RBX1: variants seen among roughly 807,000 people sequenced by gnomAD.
RBX1 encodes ring-box 1.
For synonymous variants in RBX1, 48 were observed against 47.9 expected (o/e 1.00, Z -0.01); for missense variants, 46 against 141.4 (o/e 0.33, Z 3.42).
intron 2 of RBX1, among the ~76,000 whole-genome samples, chr22:40,958,551 A>G (rs1259766045): frequency 6.6e-6 from 1 of 152,130 alleles, no homozygotes; most frequent in Non-Finnish European, 1.5e-5. Flanking sequence ...TTAAGTCCAT[A>G]TTGATTCTGC....
At chr22:40,971,853 G>C (rs900831769) in intron 4 of RBX1, among the ~76,000 whole-genome samples, 1 of 151,962 alleles carries the variant, frequency 6.6e-6, no homozygotes, top group Non-Finnish European at 1.5e-5. Context: ...CACTGCACCC[G>C]GCCCCCGTTA....
chr22:40,954,034 G>A (rs1055124893), intron 2 of RBX1, among the ~76,000 whole-genome samples: 2 of 152,180 alleles, frequency 1.3e-5, no homozygotes, highest in African/African-American at 4.8e-5. Flanking sequence ...CACTTTGGGA[G>A]GCCAAGGCGG....
intron 2 of RBX1, among the ~76,000 whole-genome samples, chr22:40,963,773 G>C (rs1271098325): frequency 1.3e-5 from 2 of 152,134 alleles, no homozygotes; most frequent in Non-Finnish European, 2.9e-5. Flanking sequence ...CTAAGCCCAG[G>C]AAGTCAAGGC....
chr22:40,965,448 GT>G (rs917351753), intron 3 of RBX1, among the ~76,000 whole-genome samples: 6 of 134,350 alleles, frequency 4.5e-5, no homozygotes, highest in East Asian at 2.2e-4. Flanking sequence ...TTTGTTTTTT[GT>G]TTTTTTTTTG....
chr22:40,961,081 CTTTTTTT>C (rs61092253), intron 2 of RBX1, among the ~76,000 whole-genome samples: 7 of 107,666 alleles, frequency 6.5e-5, no homozygotes, highest in East Asian at 6.1e-4. Context: ...CGTGCCTGGC[CTTTTTTT>C]TTTTTTTTTT....
chr22:40,953,136 A>G (rs967257638), intron 1 of RBX1, among the ~76,000 whole-genome samples: 2 of 151,320 alleles, frequency 1.3e-5, no homozygotes, highest in Non-Finnish European at 3.0e-5. Context: ...TATTATAGAC[A>G]CCCGCCACCA....
At chr22:40,960,951 A>G (rs1162065063) in intron 2 of RBX1, among the ~76,000 whole-genome samples, 1 of 151,784 alleles carries the variant, frequency 6.6e-6, no homozygotes, top group East Asian at 1.9e-4. Flanking sequence ...TTTAGAAGAG[A>G]CAGAGTTTCG....
chr22:40,956,837 C>A lies in RBX1; in HGVS notation c.157+3204C>A, dbSNP rs144724217. 5.1e-3 allele frequency among the ~76,000 whole-genome samples: 772 copies of A among 151,228 alleles called. 3 individuals are homozygous for A. The highest frequency in any genetic ancestry group is 0.018 in the African/African-American group (723 of 41,240). On this transcript the variant is annotated intron_variant, in intron 2 of 4. Transcript: ENST00000216225. ...GATCACAAGGTCCAGAGATCGAGAC[C>A]ATCCTGGCTAACAAGGTGAAACCCC...
chr22:40,965,636 T>G (rs1270471311), intron 3 of RBX1, among the ~76,000 whole-genome samples: 1 of 152,128 alleles, frequency 6.6e-6, no homozygotes, highest in Non-Finnish European at 1.5e-5. Context: ...AGATGGGGTT[T>G]CGCCATGTTG....
At chr22:40,965,410 C>T (rs888317842) in intron 3 of RBX1, among the ~76,000 whole-genome samples, 1 of 150,234 alleles carries the variant, frequency 6.7e-6, no homozygotes, top group Non-Finnish European at 1.5e-5. Context: ...TTCCTACCTA[C>T]ACTGGTTTTT....
chr22:40,971,107 A>C (rs2146304888), intron 4 of RBX1, among the ~76,000 whole-genome samples: 1 of 152,292 alleles, frequency 6.6e-6, no homozygotes. Flanking sequence ...TCAAGGTTCC[A>C]TTTTAGACCA....
chr22:40,970,531 A>G (rs2058366404), intron 4 of RBX1, among the ~76,000 whole-genome samples: 1 of 152,094 alleles, frequency 6.6e-6, no homozygotes, highest in Non-Finnish European at 1.5e-5. Flanking sequence ...GATAGGTGAC[A>G]ATCAGTATTC....
intron 4 of RBX1, among the ~76,000 whole-genome samples, chr22:40,972,115 A>G (rs1402604490): frequency 6.6e-6 from 1 of 152,164 alleles, no homozygotes; most frequent in Non-Finnish European, 1.5e-5. Flanking sequence ...GAAAGTTCAA[A>G]CTGTCTGAGC....
chr22:40,958,046 G>A (rs181755926), intron 2 of RBX1, among the ~76,000 whole-genome samples: 75 of 152,008 alleles, frequency 4.9e-4, no homozygotes, highest in African/African-American at 1.6e-3. Context: ...GGCTGGTCTC[G>A]AGCTCCTGAC....
rs758380960 is a variant in RBX1 at position 40,951,955 on chromosome 22, TGGGGTCCTCTCACTTGGA to T, written c.78+501_78+518del. Among the ~76,000 whole-genome samples the T allele has an allele frequency of 2.2e-4, 34 of 152,134 alleles. No homozygotes were observed. In the East Asian group the frequency reaches 2.3e-3, roughly 10 times the overall value. ...TCTTGCTCCGCCCCTTTTTGAAGCT[TGGGGTCCTCTCACTTGGA>T]GGGGTCCTCTCACTTGGAGGGATCC... On this transcript the variant is annotated intron_variant, in intron 1 of 4. Coordinates refer to ENST00000216225, the MANE Select transcript of RBX1 (RefSeq NM_014248.4).
chr22:40,971,284 C>G (rs2058368414), intron 4 of RBX1, among the ~76,000 whole-genome samples: 1 of 152,170 alleles, frequency 6.6e-6, no homozygotes, highest in East Asian at 1.9e-4. Context: ...TTTCTTTAAT[C>G]TGATACGATT....
chr22:40,961,602 A>G (rs2058340564), intron 2 of RBX1, among the ~76,000 whole-genome samples: 1 of 149,010 alleles, frequency 6.7e-6, no homozygotes, highest in African/African-American at 2.5e-5. Context: ...TTTTAGTAGA[A>G]ACCATGTTAG....
intron 1 of RBX1, 111 bp downstream of exon 1, chr22:40,951,587 TG>T: frequency 9.9e-7 from 1 of 1,007,698 alleles, no homozygotes. Flanking sequence ...AGGGCGTTCC[TG>T]GGACCGGGTA....
At chr22:40,957,623 G>A (rs1051909313) in intron 2 of RBX1, among the ~76,000 whole-genome samples, 1 of 152,174 alleles carries the variant, frequency 6.6e-6, no homozygotes, top group African/African-American at 2.4e-5. Flanking sequence ...AGGTGAGAGA[G>A]TGAGACCCTA....
Sources: allele counts gnomAD v4.1 joint callset (sites outside exome capture counted in the v4.1 genomes callset), GRCh38; gene constraint gnomAD v4.1.1; transcripts MANE v1.5; gene names NCBI Gene and HGNC (gene_info 2026-07-23, HGNC 2026-07-21).